Variants in WDPCP observed in about 807,000 individuals in gnomAD.
WDPCP encodes WD repeat-containing and planar cell polarity effector protein fritz homolog.
WDPCP carries 71 observed loss-of-function variants against 93.1 expected under a neutral mutation model. That is an observed-to-expected ratio of 0.76 (90% CI 0.63 to 0.93). The LOEUF is 0.93. WDPCP is among the 40% of genes least tolerant of loss of function. The probability of loss-of-function intolerance (pLI) is 0.00; values close to 1 mark genes in which losing one functional copy is unlikely to be tolerated. For synonymous variants in WDPCP, 315 were observed against 315.0 expected (o/e 1.00, Z 0.00); for missense variants, 844 against 887.4 (o/e 0.95, Z 0.62).
At chr2:63,609,521 AAAAC>A (rs1254080456) in intron 3 of WDPCP, among the ~76,000 whole-genome samples, 2 of 152,208 alleles carry the variant, frequency 1.3e-5, no homozygotes, top group Admixed American at 1.3e-4. Context: ...AGAAAAGAAA[AAAAC>A]AAATGAATCA....
At chr2:63,238,709 C>T (rs1297500122) in intron 14 of WDPCP, among the ~76,000 whole-genome samples, 1 of 152,070 alleles carries the variant, frequency 6.6e-6, no homozygotes, top group Admixed American at 6.6e-5. Flanking sequence ...TAGTCCAAAC[C>T]TAGGAAGTTG....
chr2:63,301,891 G>C (rs904907446), intron 13 of WDPCP, among the ~76,000 whole-genome samples: 3 of 151,528 alleles, frequency 2.0e-5, no homozygotes, highest in African/African-American at 7.3e-5. Context: ...TTCACCCTGA[G>C]ACTTTAAAGA....
chr2:63,348,855 A>C (rs1021501805), intron 12 of WDPCP, among the ~76,000 whole-genome samples: 1 of 152,242 alleles, frequency 6.6e-6, no homozygotes, highest in African/African-American at 2.4e-5. Context: ...CCTCTGGAGA[A>C]AACTGTTAAC....
upstream of WDPCP, chr2:63,588,849 T>A: frequency 1.7e-6 from 1 of 588,574 alleles, no homozygotes; most frequent in Non-Finnish European, 3.0e-6. Context: ...AGTTCAACAC[T>A]TGAAGGAAAT....
intron 10 of WDPCP, among the ~76,000 whole-genome samples, chr2:63,392,061 A>G (rs1693299368): frequency 6.6e-6 from 1 of 152,238 alleles, no homozygotes; most frequent in African/African-American, 2.4e-5. Flanking sequence ...GAACCAAAAA[A>G]GAGCTTGCAT....
chr2:63,801,536 C>T (rs888579729), intron 2 of WDPCP, among the ~76,000 whole-genome samples: 1 of 152,174 alleles, frequency 6.6e-6, no homozygotes, highest in Non-Finnish European at 1.5e-5. Flanking sequence ...GCTTCTATTC[C>T]CTTATTTGTC....
intron 15 of WDPCP, among the ~76,000 whole-genome samples, chr2:63,161,305 G>A (rs1334171838): frequency 6.6e-6 from 1 of 152,046 alleles, no homozygotes; most frequent in Non-Finnish European, 1.5e-5. Flanking sequence ...TATATAAATG[G>A]CGCCATATTC....
intron 6 of WDPCP, among the ~76,000 whole-genome samples, chr2:63,454,617 G>A (rs1698500714): frequency 6.6e-6 from 1 of 152,100 alleles, no homozygotes; most frequent in Non-Finnish European, 1.5e-5. Flanking sequence ...TGAAGGTGTG[G>A]AGATAATGAG....
chr2:63,478,091 G>A (rs1311696842), intron 6 of WDPCP, among the ~76,000 whole-genome samples: 1 of 152,058 alleles, frequency 6.6e-6, no homozygotes, highest in Non-Finnish European at 1.5e-5. Flanking sequence ...AAGAGACAAA[G>A]AGTGACATTA....
intron 2 of WDPCP, among the ~76,000 whole-genome samples, chr2:63,741,858 T>C (rs902561379): frequency 6.6e-6 from 1 of 152,074 alleles, no homozygotes; most frequent in African/African-American, 2.4e-5. Context: ...GATAAAAGAT[T>C]AGACAAACAA....
chr2:63,823,934 G>T (rs1476130110), intron 1 of WDPCP, among the ~76,000 whole-genome samples: 2 of 151,956 alleles, frequency 1.3e-5, no homozygotes, highest in East Asian at 1.9e-4. Context: ...AGCACTTTGG[G>T]AGGCTAAGGC....
intron 9 of WDPCP, among the ~76,000 whole-genome samples, chr2:63,426,616 A>C (rs1696317967): frequency 6.6e-6 from 1 of 152,210 alleles, no homozygotes; most frequent in South Asian, 2.1e-4. Context: ...CATAGCCCAC[A>C]AATACTATAA....
chr2:63,194,067 A>G (rs1675235645), intron 14 of WDPCP, among the ~76,000 whole-genome samples: 1 of 152,184 alleles, frequency 6.6e-6, no homozygotes, highest in African/African-American at 2.4e-5. Context: ...TCATTTTTAA[A>G]TATCCCTATA....
chr2:63,503,390 T>C (rs1356896717), intron 1 of WDPCP, among the ~76,000 whole-genome samples: 2 of 152,204 alleles, frequency 1.3e-5, no homozygotes, highest in African/African-American at 4.8e-5. Context: ...AATTTTCCAT[T>C]ATCCCAAAGA....
At chr2:63,260,184 C>A (rs1387355015) in intron 13 of WDPCP, among the ~76,000 whole-genome samples, 1 of 152,108 alleles carries the variant, frequency 6.6e-6, no homozygotes, top group East Asian at 1.9e-4. Flanking sequence ...CTCTCTCTGA[C>A]AATGGCAGAT....
In WDPCP at chr2:63,374,642, A is replaced by G. The variant is rs1691696901; in HGVS notation, c.1748+3744T>C. Among the ~76,000 whole-genome samples the G allele has an allele frequency of 3.3e-5, 5 of 152,310 alleles. No individual in the cohort carries two copies. In the South Asian group the frequency reaches 1.0e-3, roughly 32 times the overall value. ...TTGTTTTGCCTATCATATATATTTTACATAAGCTAAAAGCCATTTCCAAAA... is the reference window on the plus strand; with the variant it reads ...TTGTTTTGCCTATCATATATATTTTGCATAAGCTAAAAGCCATTTCCAAAA... On this transcript the variant is annotated intron_variant, in intron 12 of 17. Transcript: ENST00000272321.
chr2:63,411,767 T>G (rs951511720), intron 9 of WDPCP, among the ~76,000 whole-genome samples: 1 of 151,922 alleles, frequency 6.6e-6, no homozygotes, highest in Non-Finnish European at 1.5e-5. Flanking sequence ...ACACATAAAC[T>G]AGAAAACCTA....
chr2:63,751,793 C>A, intron 2 of WDPCP: 1 of 643,944 alleles, frequency 1.6e-6, no homozygotes, highest in South Asian at 1.4e-5. Flanking sequence ...CACCACAGTG[C>A]TTCTGCTTCC....
intron 3 of WDPCP, among the ~76,000 whole-genome samples, chr2:63,629,703 G>T (rs1346972090): frequency 6.6e-6 from 1 of 152,176 alleles, no homozygotes; most frequent in Admixed American, 6.5e-5. Flanking sequence ...GTAACAAGGA[G>T]CCCTCAACCC....
Sources: allele counts gnomAD v4.1 joint callset (sites outside exome capture counted in the v4.1 genomes callset), GRCh38; gene constraint gnomAD v4.1.1; transcripts MANE v1.5; gene names NCBI Gene and HGNC (gene_info 2026-07-23, HGNC 2026-07-21).